Variants in DOCK3 observed in about 807,000 individuals in gnomAD.
DOCK3 encodes dedicator of cytokinesis protein 3.
A neutral mutation model predicts 265.6 loss-of-function variants in DOCK3; 60 were observed. That is an observed-to-expected ratio of 0.23 (90% confidence interval 0.18 to 0.28). DOCK3 has a LOEUF of 0.28. Among genes scored for constraint, DOCK3 ranks in the 10% least tolerant of loss-of-function variants. The pLI, the probability that DOCK3 is intolerant of heterozygous loss-of-function variation, is 1.00. For synonymous variants in DOCK3, 881 were observed against 938.0 expected, an observed-to-expected ratio of 0.94 and a Z score of 1.11; for missense variants, 1,981 against 2,594.3, an observed-to-expected ratio of 0.76 and a Z score of 5.14.
chr3:51,335,568 C>T (rs948809640), intron 35 of DOCK3, among the ~76,000 whole-genome samples: 2 of 152,236 alleles, frequency 1.3e-5, no homozygotes, highest in Non-Finnish European at 2.9e-5. Flanking sequence ...CTCCCTGTTC[C>T]CCTGTATGGG....
intron 3 of DOCK3, among the ~76,000 whole-genome samples, chr3:50,881,526 G>T (rs1225469216): frequency 6.6e-6 from 1 of 152,154 alleles, no homozygotes; most frequent in East Asian, 1.9e-4. Flanking sequence ...TTGCTTCAAA[G>T]AGAGTAAAAT....
chr3:51,011,522 C>T (rs1176955409), intron 5 of DOCK3, among the ~76,000 whole-genome samples: 1 of 152,072 alleles, frequency 6.6e-6, no homozygotes, highest in Admixed American at 6.5e-5. Flanking sequence ...GTTAGCCATT[C>T]GTCTAATCTT....
chr3:50,752,854 A>G (rs2039923463), intron 1 of DOCK3, among the ~76,000 whole-genome samples: 1 of 152,218 alleles, frequency 6.6e-6, no homozygotes, highest in East Asian at 1.9e-4. Flanking sequence ...TAGTGTAATG[A>G]TCTACAATAC....
chr3:51,078,863 G>T (rs2082136402), intron 7 of DOCK3, among the ~76,000 whole-genome samples: 1 of 152,060 alleles, frequency 6.6e-6, no homozygotes, highest in African/African-American at 2.4e-5. Flanking sequence ...CCAGGAAAGG[G>T]ATTCTGACAC....
At chr3:50,771,155 C>A (rs936872773) in intron 1 of DOCK3, among the ~76,000 whole-genome samples, 1 of 152,096 alleles carries the variant, frequency 6.6e-6, no homozygotes, top group Non-Finnish European at 1.5e-5. Context: ...ATAAAATGAA[C>A]AGACAACCCA....
At chr3:50,698,517 G>GTTTTTTTGTTTTTTTTTTTTTT (rs2035795523) in intron 1 of DOCK3, among the ~76,000 whole-genome samples, 1 of 19,506 alleles carries the variant, frequency 5.1e-5, no homozygotes. Context: ...TATGTTTTTG[G>GTTTTTTTGTTTTTTTTTTTTTT]TTTTTTTTTT....
intron 49 of DOCK3, among the ~76,000 whole-genome samples, chr3:51,365,223 T>G (rs1397668492): frequency 6.6e-6 from 1 of 152,254 alleles, no homozygotes; most frequent in Non-Finnish European, 1.5e-5. Context: ...GTTGGATTCC[T>G]AGGTATTTTA....
Position 50,696,703 on chromosome 3 carries a change from A to G in DOCK3, c.37+21403A>G, listed in dbSNP as rs549667251. 1.0e-3 allele frequency among the ~76,000 whole-genome samples: 157 copies of G among 152,214 alleles called. 1 individual carries two copies. The highest frequency in any genetic ancestry group is 1.7e-3 in the Non-Finnish European group (114 of 68,012). Reference sequence around the variant, plus strand: ...TGGGGGTGGGGTGGGGTAGGTGTCAATTCCATTTTGAAGATCTGTTAAGTG... The same window carrying G: ...TGGGGGTGGGGTGGGGTAGGTGTCAGTTCCATTTTGAAGATCTGTTAAGTG... On this transcript the variant is annotated intron_variant, in intron 1 of 52. Transcript: ENST00000266037.
intron 7 of DOCK3, among the ~76,000 whole-genome samples, chr3:51,081,096 A>ATG (rs2082222247): frequency 2.0e-5 from 3 of 151,794 alleles, no homozygotes; most frequent in African/African-American, 7.3e-5. Context: ...TAATATGCAC[A>ATG]TGGATATTTA....
At chr3:51,245,119 A>G (rs1375380072) in intron 21 of DOCK3, among the ~76,000 whole-genome samples, 4 of 152,120 alleles carry the variant, frequency 2.6e-5, no homozygotes, top group Non-Finnish European at 4.4e-5. Flanking sequence ...ACTTGAGGCT[A>G]GGAGTTCGAG....
intron 2 of DOCK3, among the ~76,000 whole-genome samples, chr3:50,780,234 A>G (rs2041842368): frequency 6.6e-6 from 1 of 152,236 alleles, no homozygotes. Flanking sequence ...AAATACCTGC[A>G]GCAAACATCA....
At chr3:51,297,738 A>G (rs2082167703) in intron 27 of DOCK3, among the ~76,000 whole-genome samples, 1 of 152,092 alleles carries the variant, frequency 6.6e-6, no homozygotes, top group Non-Finnish European at 1.5e-5. Flanking sequence ...AGTTGGAGAC[A>G]AGCCTGGGCA....
At chr3:51,071,073 A>C (rs1161110824) in intron 6 of DOCK3, among the ~76,000 whole-genome samples, 1 of 152,172 alleles carries the variant, frequency 6.6e-6, no homozygotes, top group East Asian at 1.9e-4. Context: ...ACTTCAGATT[A>C]TTTTCTATAT....
intron 2 of DOCK3, among the ~76,000 whole-genome samples, chr3:50,807,801 T>C (rs899452357): frequency 2.0e-5 from 3 of 152,184 alleles, no homozygotes; most frequent in African/African-American, 7.2e-5. Context: ...CAGGCCGGAG[T>C]GCAGTGACAC....
chr3:50,923,474 T>A (rs1005504594), intron 4 of DOCK3, among the ~76,000 whole-genome samples: 8 of 152,244 alleles, frequency 5.3e-5, no homozygotes, highest in African/African-American at 1.9e-4. Context: ...TACTAATTGA[T>A]AATCTCACGA....
At chr3:51,175,237 C>G (rs1167744403) in intron 12 of DOCK3, among the ~76,000 whole-genome samples, 1 of 152,080 alleles carries the variant, frequency 6.6e-6, no homozygotes, top group Non-Finnish European at 1.5e-5. Context: ...TAGACCATGG[C>G]TGAGAGGGGC....
At position 51,101,113 on chromosome 3, in the gene DOCK3, C is replaced by CTTT. The variant is rs59972198; in HGVS notation, c.746+10745_746+10747dup. Among the ~76,000 whole-genome samples, 58 of 122,530 alleles carry CTTT rather than the reference C, an allele frequency of 4.7e-4. 1 individual carries two copies. The highest frequency in any genetic ancestry group is 9.3e-4 in the African/African-American group (29 of 31,262). The allele number at this position is 122,530 out of a possible 152,430, so 80.4% of individuals were successfully genotyped here. On this transcript the variant is annotated intron_variant, in intron 9 of 52. Transcript: ENST00000266037. ...AGCTACCATGCTCGGCTTAGTCTTTCTTTTTTTTTTTTTTTTTTGAGACGG... is the reference window on the plus strand; with the variant it reads ...AGCTACCATGCTCGGCTTAGTCTTTCTTTTTTTTTTTTTTTTTTTTTGAGACGG...
At chr3:51,016,331 CAT>C (rs1196668324) in intron 5 of DOCK3, among the ~76,000 whole-genome samples, 53 of 1,576 alleles carry the variant, frequency 0.034, 5 homozygotes, top group Non-Finnish European at 0.036. Flanking sequence ...TATATTTCTA[CAT>C]ATATATATCA....
intron 3 of DOCK3, among the ~76,000 whole-genome samples, chr3:50,859,105 C>T (rs921321598): frequency 1.3e-5 from 2 of 151,350 alleles, no homozygotes; most frequent in Non-Finnish European, 2.9e-5. Flanking sequence ...ATCCTCCTGA[C>T]TCTCGATTAT....
Sources: allele counts gnomAD v4.1 joint callset (sites outside exome capture counted in the v4.1 genomes callset), GRCh38; gene constraint gnomAD v4.1.1; transcripts MANE v1.5; gene names NCBI Gene and HGNC (gene_info 2026-07-23, HGNC 2026-07-21).